Variants in DYDC1 observed in about 807,000 individuals in gnomAD.
The protein encoded by DYDC1 is DPY30 domain-containing protein 1.
DYDC1 carries 21 observed loss-of-function variants against 27.9 expected under a neutral mutation model. That is an observed-to-expected ratio of 0.75 (90% CI 0.53 to 1.08). The LOEUF is 1.08. DYDC1 is among the 50% of genes least tolerant of loss of function. DYDC1 has a pLI of 0.00. For synonymous variants in DYDC1, 67 were observed against 65.8 expected (o/e 1.02, Z -0.09); for missense variants, 202 against 205.9 (o/e 0.98, Z 0.12).
chr10:80,336,188 A>T lies in DYDC1; in HGVS notation c.505-3T>A. 6.4e-7 allele frequency: 1 copy of T among 1,571,448 alleles called. No individual in the cohort carries two copies. The highest frequency in any genetic ancestry group is 8.6e-7 in the Non-Finnish European group (1 of 1,160,610). On this transcript the variant is annotated splice_region_variant and splice_polypyrimidine_tract_variant and intron_variant, in intron 6 of 6. Coordinates refer to ENST00000372202, the MANE Select transcript of DYDC1 (RefSeq NM_001269053.2). ...TCTTGATCAATGTTTAATGCAATCT[A>T]AAAGCAAAACAAAAAGTAAATATTC...
At chr10:80,356,677 C>A in intron 1 of DYDC1, 35 bp downstream of exon 1, 1 of 984,436 alleles carries the variant, frequency 1.0e-6, no homozygotes, top group Non-Finnish European at 1.2e-6. Flanking sequence ...GGGAACAAAT[C>A]CCAAAAACAG....
At chr10:80,348,335 T>C (rs375304264) in intron 3 of DYDC1, among the ~76,000 whole-genome samples, 21 of 152,250 alleles carry the variant, frequency 1.4e-4, no homozygotes, top group African/African-American at 4.1e-4. Flanking sequence ...TTAAATGGCT[T>C]TGGAAATTAG....
intron 3 of DYDC1, among the ~76,000 whole-genome samples, chr10:80,347,945 T>C (rs150064006): frequency 1.3e-5 from 2 of 152,344 alleles, no homozygotes; most frequent in Non-Finnish European, 2.9e-5. Context: ...GGGTCTTTTG[T>C]ACTTCCATAC....
chr10:80,340,738 G>C (rs554962906), intron 4 of DYDC1, among the ~76,000 whole-genome samples: 1 of 151,854 alleles, frequency 6.6e-6, no homozygotes, highest in East Asian at 1.9e-4. Flanking sequence ...ACATATTTAC[G>C]ATGTACATGT....
intron 3 of DYDC1, among the ~76,000 whole-genome samples, chr10:80,342,996 A>AAG (rs1181462675): frequency 2.0e-5 from 3 of 150,760 alleles, no homozygotes; most frequent in African/African-American, 4.9e-5. Context: ...AAAAAAAAAA[A>AAG]AAGAAAAGAA....
chr10:80,342,024 CAAAAAA>C (rs60594545), intron 4 of DYDC1, among the ~76,000 whole-genome samples: 3 of 108,980 alleles, frequency 2.8e-5, no homozygotes, highest in Admixed American at 1.8e-4. Flanking sequence ...GACTCCGTCT[CAAAAAA>C]AAAAAAAAAA....
At chr10:80,351,487 A>C (rs945131403) in intron 3 of DYDC1, among the ~76,000 whole-genome samples, 7 of 143,768 alleles carry the variant, frequency 4.9e-5, no homozygotes, top group East Asian at 4.1e-4. Flanking sequence ...AAGTCCACCC[A>C]CCCCCACCAC....
chr10:80,349,173 G>A (rs939210257), intron 3 of DYDC1, among the ~76,000 whole-genome samples: 1 of 152,196 alleles, frequency 6.6e-6, no homozygotes, highest in Non-Finnish European at 1.5e-5. Flanking sequence ...TTACAGGCGT[G>A]AGCCACCGCG....
chr10:80,336,567 T>C (rs1842142296), intron 6 of DYDC1, among the ~76,000 whole-genome samples: 1 of 152,238 alleles, frequency 6.6e-6, no homozygotes, highest in African/African-American at 2.4e-5. Flanking sequence ...CCATGACTGC[T>C]GAATTTATAT....
At chr10:80,351,227 A>G (rs1375269013) in intron 3 of DYDC1, among the ~76,000 whole-genome samples, 3 of 152,058 alleles carry the variant, frequency 2.0e-5, no homozygotes, top group Admixed American at 2.0e-4. Context: ...GCTTCCACCA[A>G]CACCATTCTC....
intron 3 of DYDC1, among the ~76,000 whole-genome samples, chr10:80,346,440 C>CTTTTTTTT (rs370935161): frequency 1.1e-5 from 1 of 92,416 alleles, no homozygotes; most frequent in African/African-American, 6.1e-5. Context: ...TGTCTCTTCC[C>CTTTTTTTT]TTTCTTTTTT....
intron 3 of DYDC1, 145 bp from the exon 4 acceptor site, chr10:80,342,506 A>C (rs1842369030): frequency 1.5e-6 from 1 of 648,202 alleles, no homozygotes; most frequent in African/African-American, 1.9e-5. Context: ...GAAGCATAAA[A>C]TTTTTAAAAA....
chr10:80,340,519 T>C (rs1477443342), intron 4 of DYDC1, among the ~76,000 whole-genome samples: 2 of 152,188 alleles, frequency 1.3e-5, no homozygotes, highest in Admixed American at 6.5e-5. Context: ...TGTGGCTCTC[T>C]GGAGCCATAA....
rs757021744 is a variant in DYDC1 at position 80,338,577 on chromosome 10, A to G, written c.400-6T>C. On this transcript the variant is annotated splice_polypyrimidine_tract_variant and splice_region_variant and intron_variant, in intron 5 of 6. Transcript: ENST00000372202. The stretch of plus-strand genomic sequence containing the variant: ...CCTGAGTCTAGTGTTGCTTCCTACA[A>G]TCAAAAAATTGATTTTTACTTTTAA... 2.0e-6 allele frequency: 3 copies of G among 1,530,522 alleles called. No individual in the cohort carries two copies. Among genetic ancestry groups the G allele is most frequent in the Non-Finnish European group, 2.6e-6 (3 of 1,144,616 alleles). The allele number at this position is 1,530,522 out of a possible 1,614,324, so 94.8% of individuals were successfully genotyped here.
chr10:80,346,099 C>T (rs781575564), intron 3 of DYDC1, among the ~76,000 whole-genome samples: 3 of 152,200 alleles, frequency 2.0e-5, no homozygotes, highest in Admixed American at 6.5e-5. Flanking sequence ...CCTCAGGCCT[C>T]GGCCTCCCAA....
intron 3 of DYDC1, among the ~76,000 whole-genome samples, chr10:80,343,752 T>C (rs1644473451): frequency 1.3e-5 from 2 of 152,144 alleles, no homozygotes; most frequent in Non-Finnish European, 1.5e-5. Context: ...ACCAAAAGAA[T>C]ATAATAAATA....
rs200935252 is a variant in DYDC1 at position 80,345,646 on chromosome 10, A to AT, written c.250-3286dup. ...TATTCTCTCTTTTTATGTATTCAAC[A>AT]TTTTTTTTTTAAGATTTCTACATAG... On this transcript the variant is annotated intron_variant, in intron 3 of 6. Coordinates refer to ENST00000372202, the MANE Select transcript of DYDC1 (RefSeq NM_001269053.2). Among the ~76,000 whole-genome samples the AT allele has an allele frequency of 2.5e-4, 37 of 148,328 alleles. 1 individual carries two copies. Among genetic ancestry groups the AT allele is most frequent in the East Asian group, 7.9e-4 (4 of 5,042 alleles).
In DYDC1 at chr10:80,339,146, C is replaced by T. The variant is rs781445450; in HGVS notation, c.350G>A (p.Arg117Lys). ...RAQEQLGKEM[R>K]MNMENLVRNE... ...CCTAACTAGATTTTCCATATTCATT[C>T]TCATCTCCTATAATATATAAAAATT... The change falls in exon 5 of 7, where the codon AGA (arginine) becomes AAA (lysine). Residue 117 changes from arginine to lysine, a missense_variant. By Grantham distance (26) the Arg-to-Lys change is conservative. Transcript: ENST00000372202. 3.9e-6 allele frequency: 5 copies of T among 1,283,774 alleles called. No individual in the cohort carries two copies. The South Asian group carries it at 7.8e-5, about 20-fold the overall frequency. 79.5% of individuals were successfully genotyped at this position (1,283,774 alleles called of 1,614,324 possible). A position where few individuals can be genotyped will look rare whatever the true frequency, so the allele number is the denominator to read the frequency against.
intron 3 of DYDC1, among the ~76,000 whole-genome samples, chr10:80,346,096 C>T (rs1842607363): frequency 6.6e-6 from 1 of 152,192 alleles, no homozygotes; most frequent in Admixed American, 6.5e-5. Context: ...GATCCTCAGG[C>T]CTCGGCCTCC....
Sources: allele counts gnomAD v4.1 joint callset (sites outside exome capture counted in the v4.1 genomes callset), GRCh38; gene constraint gnomAD v4.1.1; transcripts MANE v1.5; gene names NCBI Gene and HGNC (gene_info 2026-07-23, HGNC 2026-07-21).